Variants in PPP1R16B observed in about 807,000 individuals in gnomAD.
PPP1R16B encodes protein phosphatase 1 regulatory subunit 16B.
A neutral mutation model predicts 61.7 loss-of-function variants in PPP1R16B; 14 were observed. The observed-to-expected ratio is 0.23, with a 90% CI of 0.15 to 0.35. PPP1R16B has a LOEUF of 0.35. Ranked by LOEUF, PPP1R16B falls within the 10% of genes least tolerant of loss-of-function variation. PPP1R16B has a pLI of 1.00. For missense variants in PPP1R16B, 547 were observed against 752.5 expected (o/e 0.73, Z 3.19); for synonymous variants, 266 against 305.3 (o/e 0.87, Z 1.34).
chr20:38,818,771 T>C (rs1350631794), intron 1 of PPP1R16B, among the ~76,000 whole-genome samples: 5 of 151,668 alleles, frequency 3.3e-5, no homozygotes, highest in African/African-American at 1.2e-4. Flanking sequence ...TTTTTTTTTT[T>C]TCCCCTTGAG....
intron 10 of PPP1R16B, among the ~76,000 whole-genome samples, chr20:38,914,646 G>A (rs569947575): frequency 1.3e-5 from 2 of 152,256 alleles, no homozygotes; most frequent in East Asian, 1.9e-4. Context: ...TCTGACACTG[G>A]AGATGGATAT....
intron 2 of PPP1R16B, among the ~76,000 whole-genome samples, chr20:38,843,316 C>A (rs916736781): frequency 1.3e-5 from 2 of 152,252 alleles, no homozygotes; most frequent in African/African-American, 2.4e-5. Flanking sequence ...CACACAATTT[C>A]TGTGGCTCAG....
At chr20:38,910,269 C>T (rs2145782145) in intron 10 of PPP1R16B, among the ~76,000 whole-genome samples, 1 of 152,330 alleles carries the variant, frequency 6.6e-6, no homozygotes, top group Middle Eastern at 3.4e-3. Context: ...GTGTGAGCCA[C>T]CATGCCTGGC....
chr20:38,870,215 G>C (rs543236023), intron 2 of PPP1R16B, among the ~76,000 whole-genome samples: 2 of 152,270 alleles, frequency 1.3e-5, no homozygotes, highest in Admixed American at 1.3e-4. Flanking sequence ...TGGGATTACA[G>C]GTGTGAGCAA....
intron 2 of PPP1R16B, among the ~76,000 whole-genome samples, chr20:38,844,110 A>G (rs1297103302): frequency 2.0e-5 from 3 of 152,176 alleles, no homozygotes; most frequent in African/African-American, 7.2e-5. Flanking sequence ...TCTTTTACCC[A>G]TGTGTACTTT....
intron 2 of PPP1R16B, among the ~76,000 whole-genome samples, chr20:38,862,677 G>A (rs2085060749): frequency 6.6e-6 from 1 of 152,294 alleles, no homozygotes; most frequent in South Asian, 2.1e-4. Flanking sequence ...GGTCCTTGAG[G>A]AAATGAGGAA....
At chr20:38,895,451 C>G in intron 3 of PPP1R16B, 114 bp from the exon 4 acceptor site, 1 of 1,249,626 alleles carries the variant, frequency 8.0e-7, no homozygotes, top group Non-Finnish European at 1.1e-6. Flanking sequence ...TGGATTCAAA[C>G]AGGCCTTCCA....
chr20:38,870,334 G>A (rs1010623792), intron 2 of PPP1R16B, among the ~76,000 whole-genome samples: 1 of 152,156 alleles, frequency 6.6e-6, no homozygotes, highest in Non-Finnish European at 1.5e-5. Flanking sequence ...ATAAACTATA[G>A]GGGGAAACTA....
At chr20:38,893,595 G>A (rs1315005963) in intron 3 of PPP1R16B, among the ~76,000 whole-genome samples, 1 of 151,926 alleles carries the variant, frequency 6.6e-6, no homozygotes, top group Non-Finnish European at 1.5e-5. Context: ...GGCGGGAGGA[G>A]GCGGGAGGAG....
At chr20:38,810,365 G>A (rs2084692609) in intron 1 of PPP1R16B, among the ~76,000 whole-genome samples, 1 of 152,224 alleles carries the variant, frequency 6.6e-6, no homozygotes, top group South Asian at 2.1e-4. Context: ...CTGACCCGAG[G>A]CAGTCCCTCT....
intron 10 of PPP1R16B, among the ~76,000 whole-genome samples, chr20:38,916,094 G>A (rs1054209268): frequency 1.3e-4 from 20 of 150,346 alleles, no homozygotes; most frequent in Non-Finnish European, 1.0e-4. Flanking sequence ...GGTTGGACTC[G>A]GTGGCTCATG....
chr20:38,916,898 T>G (rs1363938019), intron 10 of PPP1R16B, among the ~76,000 whole-genome samples: 1 of 151,864 alleles, frequency 6.6e-6, no homozygotes, highest in African/African-American at 2.4e-5. Context: ...TAACGATTAG[T>G]GGGGATGAAT....
intron 4 of PPP1R16B, among the ~76,000 whole-genome samples, chr20:38,899,555 C>T (rs955706095): frequency 1.3e-5 from 2 of 152,208 alleles, no homozygotes; most frequent in Admixed American, 6.5e-5. Flanking sequence ...GAACCACTGG[C>T]CCAAAGGGTA....
At chr20:38,877,340 G>A (rs1394403288) in intron 2 of PPP1R16B, among the ~76,000 whole-genome samples, 11 of 149,798 alleles carry the variant, frequency 7.3e-5, no homozygotes, top group African/African-American at 2.5e-4. Context: ...TTGGAGTCTC[G>A]CTCTTGTTGC....
intron 1 of PPP1R16B, among the ~76,000 whole-genome samples, chr20:38,832,308 C>T (rs977663503): frequency 1.3e-5 from 2 of 152,146 alleles, no homozygotes; most frequent in Non-Finnish European, 2.9e-5. Flanking sequence ...GGTCCGCATC[C>T]GTCTCTGAAT....
intron 10 of PPP1R16B, among the ~76,000 whole-genome samples, chr20:38,912,192 C>T (rs1410006184): frequency 5.9e-5 from 9 of 151,676 alleles, no homozygotes; most frequent in South Asian, 4.2e-4. Flanking sequence ...CTCCGCCTCC[C>T]GGGTTCAAGT....
chr20:38,813,252 C>G (rs1385135049), intron 1 of PPP1R16B, among the ~76,000 whole-genome samples: 3 of 152,232 alleles, frequency 2.0e-5, no homozygotes, highest in Non-Finnish European at 2.9e-5. Context: ...AGAATGTCAG[C>G]TAGAATGATG....
At chr20:38,900,510 C>G in intron 4 of PPP1R16B, 71 bp from the exon 5 acceptor site, 1 of 1,227,310 alleles carries the variant, frequency 8.1e-7, no homozygotes. Flanking sequence ...GGCGAGAGGC[C>G]AGAGGGCAGA....
intron 10 of PPP1R16B, among the ~76,000 whole-genome samples, chr20:38,914,803 GC>G (rs1343233525): frequency 1.3e-5 from 2 of 152,094 alleles, no homozygotes; most frequent in African/African-American, 4.8e-5. Context: ...ATGTAGCTGA[GC>G]CACAGGCACG....
Sources: gnomAD v4.1 joint callset for allele counts (sites outside exome capture counted in the v4.1 genomes callset) on GRCh38, gnomAD v4.1.1 for gene constraint, MANE v1.5 for transcripts, NCBI Gene and HGNC (gene_info 2026-07-23, HGNC 2026-07-21) for gene names.